The following ZFP90 variants were observed in gnomAD, a reference collection of about 807,000 sequenced individuals.
ZFP90 encodes ZFP90 zinc finger protein.
ZFP90 carries 38 observed loss-of-function variants against 60.8 expected under a neutral mutation model. The observed-to-expected ratio is 0.62, with a 90% CI of 0.48 to 0.82. The LOEUF (loss-of-function observed/expected upper bound fraction) is 0.82, where lower values mean the gene tolerates loss of function less well. ZFP90 is among the 40% of genes least tolerant of loss of function. The pLI is 0.00. For synonymous variants in ZFP90, 287 were observed against 264.8 expected (o/e 1.08, Z -0.82); for missense variants, 711 against 759.1 (o/e 0.94, Z 0.74).
At chr16:68,534,702 G>A (rs2090948626), upstream of ZFP90, among the ~76,000 whole-genome samples, 4 of 151,202 alleles carry the variant, frequency 2.6e-5, no homozygotes, top group South Asian at 6.4e-4. Context: ...TCAGGAGATC[G>A]AGACCATCCT....
rs142623131 is a variant in ZFP90, at chr16:68,561,002, C to T, written c.257-2042C>T. Among the ~76,000 whole-genome samples the T allele has an allele frequency of 9.8e-3, 1,495 of 152,210 alleles. 7 individuals carry two copies. The highest frequency in any genetic ancestry group is 0.016 in the Non-Finnish European group (1,071 of 68,026). On this transcript the variant is annotated intron_variant, in intron 4 of 4. Transcript: ENST00000563169. The stretch of plus-strand genomic sequence containing the variant: ...CTCCACCTCCCGGGTTCAAGCAATG[C>T]TCCTGCCTCAGCCATCTGAGTAGCT...
rs1163622075 is a variant in ZFP90, at chr16:68,539,814, G to A, written c.22G>A (p.Ala8Thr). Residue 8 changes from alanine to threonine, a missense_variant, in exon 2 of 5, where the codon GCC becomes ACC. Ala to Thr is a moderately conservative substitution (Grantham distance 58, BLOSUM62 0). This residue lies in a region of ZFP90 where 27 missense variants were observed against 17.9 expected (regional missense o/e 1.50). Transcript: ENST00000563169. MAPRPPT[A>T]APQESVTFKD... ...AGGAATGGCCCCGAGGCCTCCGACC[G>A]CCGCGCCCCAGGTGAGCAACGCGTT... 1.9e-6 allele frequency: 3 copies of A among 1,605,254 alleles called. No homozygotes were observed. The highest frequency in any genetic ancestry group is 1.7e-6 in the Non-Finnish European group (2 of 1,177,496).
At position 68,558,082 on chromosome 16, in the gene ZFP90, A is replaced by C; in HGVS notation, c.118A>C (p.Arg40=). 6.2e-6 allele frequency: 10 copies of C among 1,613,862 alleles called. No homozygotes were observed. Among genetic ancestry groups the C allele is most frequent in the Non-Finnish European group, 8.5e-6 (10 of 1,179,948 alleles). Reference sequence around the variant, plus strand: ...CGACCCTGCTCAGAGGAGCTTATACAGGGATGTGATGCTGGAGAACTATAG... The same window carrying C: ...CGACCCTGCTCAGAGGAGCTTATACCGGGATGTGATGCTGGAGAACTATAG... ...HVDPAQRSLY[R]DVMLENYSHL... is the part of the protein sequence containing the mutation. The change falls in exon 3 of 5, where the codon AGG becomes CGG. Residue 40 remains arginine, a synonymous_variant. Coordinates refer to ENST00000563169, the MANE Select transcript of ZFP90 (RefSeq NM_001305203.2).
In ZFP90 at chr16:68,564,794, A is replaced by G. The variant is rs370694560; in HGVS notation, c.*96A>G. On this transcript the variant is annotated 3_prime_UTR_variant, in exon 5 of 5. Coordinates refer to ENST00000563169, the MANE Select transcript of ZFP90 (RefSeq NM_001305203.2). Reference sequence around the variant, plus strand: ...AGAGAGCTTGGGAATGTAATGAATTACGTGTGTGTTTATACGTTGTGTGTG... The same window carrying G: ...AGAGAGCTTGGGAATGTAATGAATTGCGTGTGTGTTTATACGTTGTGTGTG... The G allele has an allele frequency of 8.8e-6, 13 of 1,471,052 alleles. No individual in the cohort carries two copies. The highest frequency in any genetic ancestry group is 4.7e-5 in the East Asian group (2 of 42,560). 91.1% of individuals were successfully genotyped at this position (1,471,052 alleles called of 1,614,324 possible). A position where few individuals can be genotyped will look rare whatever the true frequency, so the allele number is the denominator to read the frequency against.
chr16:68,576,135 A>G (rs1226230690), downstream of ZFP90: 4 of 218,160 alleles, frequency 1.8e-5, no homozygotes, highest in Admixed American at 5.8e-5. Context: ...GCTCCTCAGT[A>G]TCCCTGAAAA....
chr16:68,539,071 C>T (rs1001170577), upstream of ZFP90: 4 of 152,280 alleles, frequency 2.6e-5, no homozygotes, highest in African/African-American at 9.6e-5. Flanking sequence ...CCCCAGCTAG[C>T]AACAAGCCCC....
At chr16:68,567,757 T>C, downstream of ZFP90, among the ~76,000 whole-genome samples, 1 of 152,280 alleles carries the variant, frequency 6.6e-6, no homozygotes, top group South Asian at 2.1e-4. Context: ...TAATTTTTTA[T>C]GTTTGTTGCT....
chr16:68,563,813 A>G lies in ZFP90; in HGVS notation c.1026A>G (p.Leu342=), dbSNP rs764376107. 8.1e-6 allele frequency: 13 copies of G among 1,613,870 alleles called. No individual in the cohort carries two copies. The highest frequency in any genetic ancestry group is 8.0e-5 in the African/African-American group (6 of 74,892). ...GAGAGAAACCCTATCGATGTAATCT[A>G]TGTGGGAGGTCCTTTAGGCATGGCA... The part of the protein sequence containing the change: ...HTGEKPYRCN[L]CGRSFRHGTS... The change falls in exon 5 of 5, where the codon CTA becomes CTG. Residue 342 remains leucine, a synonymous_variant. Coordinates refer to ENST00000563169, the MANE Select transcript of ZFP90 (RefSeq NM_001305203.2).
Position 68,540,573 on chromosome 16 carries a change from A to G in ZFP90, c.33+748A>G, listed in dbSNP as rs117224552. ...TACATATTGGTGAAAATACATCAAGATCCAGATGGTATCTGTATCTTTGAA... is the reference window on the plus strand; with the variant it reads ...TACATATTGGTGAAAATACATCAAGGTCCAGATGGTATCTGTATCTTTGAA... On this transcript the variant is annotated intron_variant, in intron 2 of 4. Coordinates refer to ENST00000563169, the MANE Select transcript of ZFP90 (RefSeq NM_001305203.2). Among the ~76,000 whole-genome samples the G allele has an allele frequency of 7.9e-5, 12 of 152,306 alleles. No homozygotes were observed. The East Asian group carries it at 1.3e-3, about 17-fold the overall frequency.
At chr16:68,550,183 AAATG>A (rs2091235143) in intron 2 of ZFP90, among the ~76,000 whole-genome samples, 1 of 152,202 alleles carries the variant, frequency 6.6e-6, no homozygotes, top group South Asian at 2.1e-4. Flanking sequence ...TACATGTGAT[AAATG>A]TTTTAAAATT....
rs540044512 is a variant in ZFP90 at position 68,564,222 on chromosome 16, G to A, written c.1435G>A (p.Asp479Asn). ...GATCCATACTGCAGAGAACCCCTAT[G>A]ATTGTGAGCAGGCTTTTAGTCAGCA... The part of the protein sequence containing the change: ...QRIHTAENPY[D>N]CEQAFSQQAI... The change falls in exon 5 of 5, where the codon GAT (aspartate) becomes AAT (asparagine). Residue 479 changes from aspartate (D) to asparagine (N), a missense_variant. Asp to Asn is a conservative substitution (Grantham distance 23, BLOSUM62 1). Transcript: ENST00000563169. The A allele has an allele frequency of 3.7e-6, 6 of 1,613,912 alleles. No homozygotes were observed. In the African/African-American group the frequency reaches 5.3e-5, roughly 14 times the overall value.
At position 68,564,803 on chromosome 16, in the gene ZFP90, T is replaced by C; in HGVS notation, c.*105T>C. ...GGGAATGTAATGAATTACGTGTGTGTTTATACGTTGTGTGTGGAGAAAACT... is the reference window on the plus strand; with the variant it reads ...GGGAATGTAATGAATTACGTGTGTGCTTATACGTTGTGTGTGGAGAAAACT... On this transcript the variant is annotated 3_prime_UTR_variant, in exon 5 of 5. Transcript: ENST00000563169. 6.9e-7 allele frequency: 1 copy of C among 1,447,538 alleles called. No homozygotes were observed. The highest frequency in any genetic ancestry group is 9.0e-7 in the Non-Finnish European group (1 of 1,105,154). 89.7% of individuals were successfully genotyped at this position (1,447,538 alleles called of 1,614,324 possible). A position where few individuals can be genotyped will look rare whatever the true frequency, so the allele number is the denominator to read the frequency against.
chr16:68,556,560 A>T (rs1242673718), intron 2 of ZFP90, among the ~76,000 whole-genome samples: 1 of 152,204 alleles, frequency 6.6e-6, no homozygotes, highest in Non-Finnish European at 1.5e-5. Context: ...TTAAGTGCCC[A>T]CTAGGTGCCG....
At position 68,539,750 on chromosome 16, in the gene ZFP90, C is replaced by G; in HGVS notation, c.-35-8C>G. ...GCGGGGTGAGTGGGCCCTGTCCTTT[C>G]TCCCCAGCTCCTGCCCCGGAGCCGG... On this transcript the variant is annotated splice_polypyrimidine_tract_variant and splice_region_variant and intron_variant, in intron 1 of 4. Coordinates refer to ENST00000563169, the MANE Select transcript of ZFP90 (RefSeq NM_001305203.2). The G allele has an allele frequency of 6.5e-7, 1 of 1,549,554 alleles. No homozygotes were observed. The highest frequency in any genetic ancestry group is 8.7e-7 in the Non-Finnish European group (1 of 1,147,048).
upstream of ZFP90, among the ~76,000 whole-genome samples, chr16:68,535,101 C>T (rs2090951060): frequency 1.3e-5 from 2 of 152,050 alleles, no homozygotes; most frequent in African/African-American, 4.8e-5. Context: ...GGGATTATAT[C>T]TGGGGAAGTT....
At chr16:68,542,307 T>C (rs1442631743) in intron 2 of ZFP90, among the ~76,000 whole-genome samples, 5 of 152,074 alleles carry the variant, frequency 3.3e-5, no homozygotes. Context: ...GAGCAGAGTC[T>C]AAGCAGGTGA....
At chr16:68,554,438 G>A (rs1336841974) in intron 2 of ZFP90, among the ~76,000 whole-genome samples, 2 of 152,160 alleles carry the variant, frequency 1.3e-5, no homozygotes, top group African/African-American at 4.8e-5. Context: ...CACTCAGCCT[G>A]GCTGCAGTGA....
chr16:68,564,408 A>T lies in ZFP90; in HGVS notation c.1621A>T (p.Thr541Ser). ...AGCCTTTAGTCGACGCTCATCGCTT[A>T]CTCAACATGAGAGAACCCACACTGG... ...GEAFSRRSSL[T>S]QHERTHTGEK... The change falls in exon 5 of 5, where the codon ACT becomes TCT. Residue 541 changes from threonine to serine, a missense_variant. By Grantham distance (58) the Thr-to-Ser change is moderately conservative. Around this residue, in one of 5 missense-constraint regions of ZFP90, gnomAD observed 295 missense variants for 274.0 expected, o/e 1.08. Transcript: ENST00000563169. 1 of 1,613,704 alleles carries T rather than the reference A, an allele frequency of 6.2e-7. No individual in the cohort carries two copies. The highest frequency in any genetic ancestry group is 1.7e-5 in the Admixed American group (1 of 59,970).
intron 2 of ZFP90, among the ~76,000 whole-genome samples, chr16:68,547,475 C>T (rs933713): frequency 6.6e-6 from 1 of 151,942 alleles, no homozygotes; most frequent in African/African-American, 2.4e-5. Flanking sequence ...CTGGGTATTA[C>T]TTGCTTAATA....
Sources: allele counts gnomAD v4.1 joint callset (sites outside exome capture counted in the v4.1 genomes callset), GRCh38; gene constraint gnomAD v4.1.1; regional missense constraint gnomAD v4.1.1; transcripts MANE v1.5; gene names NCBI Gene and HGNC (gene_info 2026-07-23, HGNC 2026-07-21).